Variants in ATOSA observed in about 807,000 individuals in gnomAD.
ATOSA encodes atos homolog A, also known as atos homolog protein A.
chr15:52,633,215 A>G, the ATOSA span, among the ~76,000 whole-genome samples: 6 of 152,206 alleles, frequency 3.9e-5, no homozygotes, highest in African/African-American at 1.2e-4. Context: ...TGATTTCTAT[A>G]TTCACTCCTT....
At chr15:52,672,329 A>T in the ATOSA span, among the ~76,000 whole-genome samples, 1 of 152,032 alleles carries the variant, frequency 6.6e-6, no homozygotes, top group Non-Finnish European at 1.5e-5. Context: ...AGTCTGAGTG[A>T]CACAGTAAGA....
At chr15:52,651,594 C>G in the ATOSA span, among the ~76,000 whole-genome samples, 2 of 152,214 alleles carry the variant, frequency 1.3e-5, no homozygotes, top group East Asian at 3.9e-4. Flanking sequence ...ACATTTTTTC[C>G]CCATTAAAGT....
chr15:52,625,851 A>G, the ATOSA span, among the ~76,000 whole-genome samples: 1 of 152,246 alleles, frequency 6.6e-6, no homozygotes, highest in East Asian at 1.9e-4. Context: ...ATGAAGCAGC[A>G]TAGAGCAGTA....
the ATOSA span, among the ~76,000 whole-genome samples, chr15:52,622,360 T>C: frequency 2.0e-5 from 3 of 152,182 alleles, no homozygotes; most frequent in Non-Finnish European, 4.4e-5. Flanking sequence ...AGTTGAGGCA[T>C]CTGAGAATGG....
At chr15:52,610,086 T>A in the ATOSA span, 1 of 1,614,016 alleles carries the variant, frequency 6.2e-7, no homozygotes, top group Admixed American at 1.7e-5. Flanking sequence ...CACTTTCAGG[T>A]GCCATGGTCC....
At chr15:52,629,505 T>C in the ATOSA span, among the ~76,000 whole-genome samples, 5 of 147,592 alleles carry the variant, frequency 3.4e-5, no homozygotes, top group African/African-American at 1.0e-4. Context: ...GTAAGGGTAG[T>C]TAAAAAAAAA....
the ATOSA span, chr15:52,657,450 G>A: frequency 6.6e-6 from 1 of 152,182 alleles, no homozygotes. Context: ...TTGCTTCCAA[G>A]TGATATGACT....
At chr15:52,708,149 G>A in the ATOSA span, among the ~76,000 whole-genome samples, 2 of 152,122 alleles carry the variant, frequency 1.3e-5, no homozygotes, top group Admixed American at 1.3e-4. Context: ...AGGGAAGGAG[G>A]TTGGGCAAGG....
the ATOSA span, chr15:52,656,471 T>TAAA: frequency 6.6e-6 from 1 of 152,090 alleles, no homozygotes; most frequent in Non-Finnish European, 1.5e-5. Context: ...TTTTAAGAGT[T>TAAA]AAACACATTC....
At chr15:52,584,678 A>T in the ATOSA span, 3,982 of 1,074,554 alleles carry the variant, frequency 3.7e-3, 91 homozygotes, top group African/African-American at 0.059. Context: ...GTCACAGTTT[A>T]AAAAAAAAAA....
At chr15:52,694,970 G>A in the ATOSA span, among the ~76,000 whole-genome samples, 1 of 150,492 alleles carries the variant, frequency 6.6e-6, no homozygotes, top group Non-Finnish European at 1.5e-5. Context: ...TGTTGCCCAG[G>A]CTGGAGTGTA....
the ATOSA span, among the ~76,000 whole-genome samples, chr15:52,665,325 T>C: frequency 1.3e-5 from 2 of 152,228 alleles, no homozygotes; most frequent in Non-Finnish European, 2.9e-5. Flanking sequence ...CTTGGGCATA[T>C]AATGTTGGAG....
At chr15:52,676,903 G>T in the ATOSA span, among the ~76,000 whole-genome samples, 4 of 152,042 alleles carry the variant, frequency 2.6e-5, no homozygotes, top group African/African-American at 9.7e-5. Flanking sequence ...ATCTAAACTT[G>T]GCATTCTACA....
the ATOSA span, among the ~76,000 whole-genome samples, chr15:52,661,017 A>G: frequency 6.6e-6 from 1 of 152,228 alleles, no homozygotes; most frequent in Non-Finnish European, 1.5e-5. Context: ...TAGCCCTTTA[A>G]GTAGGTATTA....
At chr15:52,657,435 T>G in the ATOSA span, 1 of 152,258 alleles carries the variant, frequency 6.6e-6, no homozygotes, top group Non-Finnish European at 1.5e-5. Context: ...CTATTTCACA[T>G]TGGTTTGCTT....
the ATOSA span, among the ~76,000 whole-genome samples, chr15:52,655,388 G>C: frequency 8.5e-4 from 130 of 152,184 alleles, no homozygotes; most frequent in African/African-American, 3.0e-3. Flanking sequence ...CTGTTTTGTA[G>C]CTGTAGTGTG....
At chr15:52,671,747 T>C in the ATOSA span, among the ~76,000 whole-genome samples, 1 of 151,608 alleles carries the variant, frequency 6.6e-6, no homozygotes, top group Non-Finnish European at 1.5e-5. Flanking sequence ...ACGGTTAAGT[T>C]CTATAACAAA....
At chr15:52,619,826 TA>T in the ATOSA span, among the ~76,000 whole-genome samples, 446 of 116,594 alleles carry the variant, frequency 3.8e-3, 6 homozygotes, top group African/African-American at 0.012. Context: ...GAGACTGTCT[TA>T]AAAAAAAAAG....
the ATOSA span, chr15:52,658,799 T>TA: frequency 3.3e-5 from 4 of 120,128 alleles, no homozygotes; most frequent in African/African-American, 2.4e-4. Flanking sequence ...ACCTCGTTTC[T>TA]ACAAAAAAAA....
Sources: allele counts gnomAD v4.1 joint callset (sites outside exome capture counted in the v4.1 genomes callset), GRCh38; gene constraint gnomAD v4.1.1; transcripts MANE v1.5; gene names NCBI Gene and HGNC (gene_info 2026-07-23, HGNC 2026-07-21).